Variants in KCNIP1 observed in about 807,000 individuals in gnomAD.
The protein encoded by KCNIP1 is A-type potassium channel modulatory protein KCNIP1.
In KCNIP1, 18 loss-of-function variants were observed where a neutral mutation model predicts 33.0. The observed-to-expected ratio is 0.55, with a 90% confidence interval of 0.38 to 0.81. The LOEUF is 0.81. Among genes scored for constraint, KCNIP1 ranks in the 30% least tolerant of loss-of-function variants. The pLI is 0.00. For synonymous variants in KCNIP1, 93 were observed against 98.3 expected, an observed-to-expected ratio of 0.95 and a Z score of 0.32; for missense variants, 238 against 271.6, an observed-to-expected ratio of 0.88 and a Z score of 0.87.
chr5:170,405,962 G>A (rs1755029497), intron 1 of KCNIP1, among the ~76,000 whole-genome samples: 1 of 152,158 alleles, frequency 6.6e-6, no homozygotes, highest in South Asian at 2.1e-4. Context: ...GAGACTAGGG[G>A]CTAGAATACC....
chr5:170,358,395 A>G (rs991676800), intron 1 of KCNIP1, among the ~76,000 whole-genome samples: 2 of 152,044 alleles, frequency 1.3e-5, no homozygotes, highest in African/African-American at 4.8e-5. Flanking sequence ...CAGCTGCCCC[A>G]TCAGTGACAC....
chr5:170,635,816 G>T (rs1245825788), intron 1 of KCNIP1, among the ~76,000 whole-genome samples: 1 of 152,250 alleles, frequency 6.6e-6, no homozygotes, highest in African/African-American at 2.4e-5. Context: ...AAGGGATGCT[G>T]GGCCACGCTG....
intron 1 of KCNIP1, among the ~76,000 whole-genome samples, chr5:170,674,975 GTTT>G (rs11299791): frequency 6.9e-6 from 1 of 145,796 alleles, no homozygotes; most frequent in African/African-American, 2.5e-5. Flanking sequence ...GTTTTGTTTT[GTTT>G]TTTTTTTTTT....
At chr5:170,732,984 G>C (rs1764256135) in intron 6 of KCNIP1, 80 bp downstream of exon 6, 3 of 835,440 alleles carry the variant, frequency 3.6e-6, no homozygotes, top group Admixed American at 1.8e-5. Flanking sequence ...CAAATGATTT[G>C]TGTCCAACCC....
intron 1 of KCNIP1, among the ~76,000 whole-genome samples, chr5:170,671,366 G>C (rs1761916425): frequency 6.6e-6 from 1 of 152,086 alleles, no homozygotes; most frequent in South Asian, 2.1e-4. Context: ...ACAGCCCTCA[G>C]AACCTTTACA....
chr5:170,473,251 G>A (rs1323657372), intron 1 of KCNIP1, among the ~76,000 whole-genome samples: 1 of 152,068 alleles, frequency 6.6e-6, no homozygotes, highest in East Asian at 1.9e-4. Context: ...GTTTATAATT[G>A]ACATTTATTA....
intron 1 of KCNIP1, among the ~76,000 whole-genome samples, chr5:170,567,751 C>T (rs561116415): frequency 2.0e-5 from 3 of 152,294 alleles, no homozygotes; most frequent in East Asian, 3.9e-4. Context: ...AAGGGGCCTG[C>T]GTGCTTTACT....
At chr5:170,732,678 G>A (rs555824284) in intron 5 of KCNIP1, 122 bp from the exon 6 acceptor site, 72 of 647,082 alleles carry the variant, frequency 1.1e-4, no homozygotes, top group Non-Finnish European at 2.8e-6. Context: ...ACCTGCTAAA[G>A]AAGGACCTCA....
chr5:170,650,241 A>G (rs1213091380), intron 1 of KCNIP1, among the ~76,000 whole-genome samples: 1 of 152,184 alleles, frequency 6.6e-6, no homozygotes, highest in Non-Finnish European at 1.5e-5. Context: ...ATATAGCCAG[A>G]CCTATGAAAT....
intron 1 of KCNIP1, among the ~76,000 whole-genome samples, chr5:170,676,173 G>GAAAGGAAAGGA (rs1413949122): frequency 9.9e-6 from 1 of 100,946 alleles, no homozygotes. Context: ...GGGAAAGAAG[G>GAAAGGAAAGGA]AAGGAAAGGA....
chr5:170,724,910 T>A (rs558303055), intron 5 of KCNIP1, among the ~76,000 whole-genome samples: 1 of 152,276 alleles, frequency 6.6e-6, no homozygotes, highest in South Asian at 2.1e-4. Flanking sequence ...ATTTATAGAT[T>A]TAGTGTGATC....
intron 1 of KCNIP1, among the ~76,000 whole-genome samples, chr5:170,480,866 T>C (rs1375486708): frequency 1.3e-5 from 2 of 152,210 alleles, no homozygotes; most frequent in East Asian, 3.8e-4. Context: ...TCTATTTTTT[T>C]CCAGGACTAT....
chr5:170,484,674 T>G (rs974710963), intron 1 of KCNIP1, among the ~76,000 whole-genome samples: 39 of 148,404 alleles, frequency 2.6e-4, no homozygotes, highest in African/African-American at 9.7e-4. Flanking sequence ...CGTTTCCCCC[T>G]CCCCTTCTCT....
At chr5:170,591,296 A>C (rs1209441719) in intron 1 of KCNIP1, among the ~76,000 whole-genome samples, 2 of 152,216 alleles carry the variant, frequency 1.3e-5, no homozygotes, top group African/African-American at 4.8e-5. Context: ...AGTTTGAGCC[A>C]CATGGAGGCA....
intron 1 of KCNIP1, among the ~76,000 whole-genome samples, chr5:170,358,252 C>A (rs549769548): frequency 1.3e-5 from 2 of 152,172 alleles, no homozygotes; most frequent in African/African-American, 4.8e-5. Flanking sequence ...TCCTCCAGGC[C>A]ACCCATGAGG....
At chr5:170,608,396 G>A (rs1759017038) in intron 1 of KCNIP1, among the ~76,000 whole-genome samples, 1 of 152,196 alleles carries the variant, frequency 6.6e-6, no homozygotes, top group Admixed American at 6.5e-5. Flanking sequence ...AATTCACTTT[G>A]TTTCTCTGAG....
At chr5:170,632,653 T>G (rs578217670) in intron 1 of KCNIP1, among the ~76,000 whole-genome samples, 10 of 152,352 alleles carry the variant, frequency 6.6e-5, no homozygotes, top group Middle Eastern at 3.4e-3. Flanking sequence ...CCTTCCTCGA[T>G]TCCTAAAATG....
At chr5:170,511,828 C>T (rs1414932867) in intron 1 of KCNIP1, among the ~76,000 whole-genome samples, 3 of 152,210 alleles carry the variant, frequency 2.0e-5, no homozygotes, top group Non-Finnish European at 4.4e-5. Flanking sequence ...GAGCTTCTAA[C>T]TGCCATACTA....
chr5:170,573,111 C>A (rs557784781), intron 1 of KCNIP1, among the ~76,000 whole-genome samples: 1 of 152,230 alleles, frequency 6.6e-6, no homozygotes, highest in East Asian at 1.9e-4. Context: ...TATGCAAGAC[C>A]CTGACACAGA....
Sources: allele counts gnomAD v4.1 joint callset (sites outside exome capture counted in the v4.1 genomes callset), GRCh38; gene constraint gnomAD v4.1.1; transcripts MANE v1.5; gene names NCBI Gene and HGNC (gene_info 2026-07-23, HGNC 2026-07-21).